Variants in C12orf56 observed in about 807,000 individuals in gnomAD.
C12orf56 encodes chromosome 12 open reading frame 56.
In C12orf56, 71 loss-of-function variants were observed where a neutral mutation model predicts 69.9. That is an observed-to-expected ratio of 1.02 (90% CI 0.84 to 1.24). C12orf56 has a LOEUF of 1.24. Ranked by LOEUF, C12orf56 falls within the 50% of genes most tolerant of loss-of-function variation. The pLI is 0.00. For missense variants in C12orf56, 732 were observed against 738.5 expected (o/e 0.99, Z 0.10); for synonymous variants, 276 against 274.1 (o/e 1.01, Z -0.07).
At chr12:64,342,927 A>T (rs1259390857) in intron 2 of C12orf56, among the ~76,000 whole-genome samples, 1 of 152,222 alleles carries the variant, frequency 6.6e-6, no homozygotes, top group African/African-American at 2.4e-5. Context: ...CTGCCAGGTC[A>T]TATGGCCCAA....
At chr12:64,328,551 G>T (rs1350049539) in intron 3 of C12orf56, among the ~76,000 whole-genome samples, 1 of 151,146 alleles carries the variant, frequency 6.6e-6, no homozygotes, top group East Asian at 1.9e-4. Flanking sequence ...ATGGTGGCGG[G>T]CGCCTGTAAT....
intron 1 of C12orf56, among the ~76,000 whole-genome samples, chr12:64,356,661 G>A (rs1212888390): frequency 3.9e-5 from 6 of 152,178 alleles, no homozygotes. Context: ...GGTGACTCAG[G>A]TCAAAGCAGG....
At chr12:64,379,434 G>A (rs2039682589) in intron 1 of C12orf56, among the ~76,000 whole-genome samples, 1 of 151,836 alleles carries the variant, frequency 6.6e-6, no homozygotes, top group Non-Finnish European at 1.5e-5. Flanking sequence ...ACAGGTGCCC[G>A]CCACCATGCC....
intron 6 of C12orf56, among the ~76,000 whole-genome samples, chr12:64,295,828 T>C (rs2038357771): frequency 6.6e-6 from 1 of 150,920 alleles, no homozygotes; most frequent in Non-Finnish European, 1.5e-5. Flanking sequence ...ATCTATAATA[T>C]ATATCACTCT....
chr12:64,320,499 C>A (rs2136841884), intron 3 of C12orf56, among the ~76,000 whole-genome samples: 1 of 152,272 alleles, frequency 6.6e-6, no homozygotes, highest in Admixed American at 6.5e-5. Context: ...TAATTCCCCT[C>A]CTGCTAATAC....
chr12:64,295,314 AACAG>A (rs2038350963), intron 6 of C12orf56, among the ~76,000 whole-genome samples: 1 of 152,224 alleles, frequency 6.6e-6, no homozygotes, highest in South Asian at 2.1e-4. Context: ...TGTTGAGCGA[AACAG>A]ACAGACATGT....
At chr12:64,366,055 T>C (rs2039471666) in intron 1 of C12orf56, among the ~76,000 whole-genome samples, 1 of 89,820 alleles carries the variant, frequency 1.1e-5, no homozygotes. Context: ...TTATATATAA[T>C]ATATAGCTTG....
At chr12:64,340,280 C>T (rs6581546) in intron 2 of C12orf56, among the ~76,000 whole-genome samples, 2 of 151,772 alleles carry the variant, frequency 1.3e-5, no homozygotes, top group African/African-American at 4.8e-5. Context: ...CCAGAATAAG[C>T]GTGGGTCTGC....
At chr12:64,386,449 T>C (rs1592510032) in intron 1 of C12orf56, among the ~76,000 whole-genome samples, 1 of 149,602 alleles carries the variant, frequency 6.7e-6, no homozygotes, top group Non-Finnish European at 1.5e-5. Flanking sequence ...CAGGCTGGAG[T>C]GCAATGGCGC....
At position 64,312,742 on chromosome 12, in the gene C12orf56, A is replaced by G; in HGVS notation, c.905T>C (p.Leu302Pro). Residue 302 changes from leucine (L) to proline (P), a missense_variant, in exon 5 of 13, where the codon CTT becomes CCT. Transcript: ENST00000543942. ...ACTAGCATAGAAGGGATCTTGTAAA[A>G]GAGTAGCTTTCTGAAAAAGGAAAAA... ...SWNNYIIKAT[L>P]LQDPFYASEF... The G allele has an allele frequency of 6.5e-7, 1 of 1,535,724 alleles. No individual in the cohort carries two copies. Among genetic ancestry groups the G allele is most frequent in the Non-Finnish European group, 8.7e-7 (1 of 1,145,932 alleles).
intron 5 of C12orf56, among the ~76,000 whole-genome samples, chr12:64,309,444 G>A (rs2038576634): frequency 6.6e-6 from 1 of 152,168 alleles, no homozygotes. Flanking sequence ...TCATCCATGT[G>A]GTAGTAGCAG....
At chr12:64,346,125 A>G (rs1328836547) in intron 2 of C12orf56, among the ~76,000 whole-genome samples, 1 of 152,152 alleles carries the variant, frequency 6.6e-6, no homozygotes, top group Non-Finnish European at 1.5e-5. Flanking sequence ...GAATATATAC[A>G]TATACAAAGG....
intron 6 of C12orf56, among the ~76,000 whole-genome samples, chr12:64,300,843 C>A (rs1184702890): frequency 6.6e-6 from 1 of 152,168 alleles, no homozygotes; most frequent in East Asian, 1.9e-4. Context: ...CCCACCTTAT[C>A]CAGATGGTAG....
rs10878127 is a variant in C12orf56, at chr12:64,266,161, A to G, written c.*1022T>C. ...TCCTATTGCTCAGCATTTCCCAAAT[A>G]ATCACTCTGTAGCTTATACTCCCCA... On this transcript the variant is annotated 3_prime_UTR_variant, in exon 13 of 13. Coordinates refer to ENST00000543942, the MANE Select transcript of C12orf56 (RefSeq NM_001170633.2). 0.2 allele frequency: 30,397 copies of G among 152,242 alleles called. 3,703 individuals carry two copies. The highest frequency in any genetic ancestry group is 0.27 in the Admixed American group (4,091 of 15,294). 9.4% of individuals were successfully genotyped at this position (152,242 alleles called of 1,614,324 possible). A position where few individuals can be genotyped will look rare whatever the true frequency, so the allele number is the denominator to read the frequency against.
intron 6 of C12orf56, among the ~76,000 whole-genome samples, chr12:64,287,229 G>C (rs2038215717): frequency 8.9e-6 from 1 of 112,774 alleles, no homozygotes; most frequent in South Asian, 3.3e-4. Context: ...GGGCAAGAGT[G>C]AGTGAGACTC....
intron 6 of C12orf56, among the ~76,000 whole-genome samples, chr12:64,298,441 A>G (rs945660693): frequency 2.6e-5 from 4 of 152,324 alleles, no homozygotes; most frequent in Non-Finnish European, 4.4e-5. Flanking sequence ...TGTTTTAGAT[A>G]TGAAGTCTTT....
intron 8 of C12orf56, among the ~76,000 whole-genome samples, chr12:64,278,611 C>CA (rs1484202632): frequency 6.6e-6 from 1 of 152,064 alleles, no homozygotes; most frequent in Non-Finnish European, 1.5e-5. Context: ...AGTGAGAACA[C>CA]AAAATCTATT....
At chr12:64,302,045 T>G (rs868295692) in intron 6 of C12orf56, among the ~76,000 whole-genome samples, 4 of 152,354 alleles carry the variant, frequency 2.6e-5, no homozygotes, top group Middle Eastern at 3.4e-3. Context: ...AAATTGATAC[T>G]GTGTGTGGGG....
At chr12:64,372,543 C>A (rs1001782067) in intron 1 of C12orf56, among the ~76,000 whole-genome samples, 5 of 152,166 alleles carry the variant, frequency 3.3e-5, no homozygotes, top group Non-Finnish European at 7.3e-5. Context: ...GAGACAGAGT[C>A]TCGCTCTGTT....
Sources: allele counts gnomAD v4.1 joint callset (sites outside exome capture counted in the v4.1 genomes callset), GRCh38; gene constraint gnomAD v4.1.1; transcripts MANE v1.5; gene names NCBI Gene and HGNC (gene_info 2026-07-23, HGNC 2026-07-21).